The following SLC2A2 variants were observed in gnomAD, a reference collection of about 807,000 sequenced individuals.
SLC2A2 encodes the protein solute carrier family 2 member 2.
Under a neutral mutation model 54.5 loss-of-function variants are expected in SLC2A2, and 36 were observed. The ratio of observed to expected loss-of-function variants is 0.66; its 90% confidence interval spans 0.51 to 0.87. The LOEUF is 0.87. Among genes scored for constraint, SLC2A2 ranks in the 40% least tolerant of loss-of-function variants. The pLI, the probability that SLC2A2 is intolerant of heterozygous loss-of-function variation, is 0.00. For synonymous variants in SLC2A2, 223 were observed against 219.1 expected (o/e 1.02, Z -0.16); for missense variants, 543 against 624.3 (o/e 0.87, Z 1.39).
At position 170,998,197 on chromosome 3, in the gene SLC2A2, A is replaced by G. The variant is rs771274850; in HGVS notation, c.1370T>C (p.Ile457Thr). 1.2e-6 allele frequency: 2 copies of G among 1,613,730 alleles called. No homozygotes were observed. Reference sequence around the variant, plus strand: ...GTGGAATATTAGGCTGCTTACCGCAATGTACTGGAAACACAGAGCTACAAT... The same window carrying G: ...GTGGAATATTAGGCTGCTTACCGCAGTGTACTGGAAACACAGAGCTACAAT... ...NFIVALCFQY[I>T]ADFCGPYVFF... The change falls in exon 10 of 11, where the codon ATT becomes ACT. Residue 457 changes from isoleucine to threonine, a missense_variant. Ile to Thr is a moderately conservative substitution (Grantham distance 89, BLOSUM62 -1). Transcript: ENST00000314251.
At position 171,006,085 on chromosome 3, in the gene SLC2A2, G is replaced by A; in HGVS notation, c.633C>T (p.Ile211=). 6.2e-7 allele frequency: 1 copy of A among 1,612,256 alleles called. No homozygotes were observed. Among genetic ancestry groups the A allele is most frequent in the Non-Finnish European group, 8.5e-7 (1 of 1,178,874 alleles). The change falls in exon 6 of 11, where the codon ATC becomes ATT. Residue 211 remains isoleucine, a synonymous_variant. Transcript: ENST00000314251. The part of the protein sequence containing the change: ...LISQIIGLEF[I]LGNYDLWHIL... ...TGTGCCACAGATCATAATTGCCCAA[G>A]ATAAATTCAAGACCAATAATCTGAA... is the stretch of plus-strand genomic sequence containing the variant.
intron 8 of SLC2A2, among the ~76,000 whole-genome samples, chr3:171,001,263 C>T (rs2108237050): frequency 6.6e-6 from 1 of 152,090 alleles, no homozygotes; most frequent in Non-Finnish European, 1.5e-5. Context: ...AATAATCTAT[C>T]ATAAAAAATA....
At chr3:171,008,007 A>G (rs531994153) in intron 4 of SLC2A2, among the ~76,000 whole-genome samples, 2 of 152,240 alleles carry the variant, frequency 1.3e-5, no homozygotes, top group Admixed American at 6.5e-5. Flanking sequence ...TGCACATGTA[A>G]TCAGTCGTGC....
chr3:171,019,107 ATATATATATATATATACGTATG>A (rs1404523319), intron 1 of SLC2A2, among the ~76,000 whole-genome samples: 987 of 7,126 alleles, frequency 0.14, 21 homozygotes, highest in East Asian at 0.35. Flanking sequence ...GTATATATAT[ATATATATATATATATACGTATG>A]TATATATATA....
chr3:171,022,350 C>T (rs767960355), intron 1 of SLC2A2, among the ~76,000 whole-genome samples: 3 of 152,212 alleles, frequency 2.0e-5, no homozygotes, highest in Non-Finnish European at 2.9e-5. Flanking sequence ...TACATATCCA[C>T]AGAATTTACC....
At position 170,998,076 on chromosome 3, in the gene SLC2A2, G is replaced by A. The variant is rs140138702; in HGVS notation, c.1402C>T (p.Leu468Phe). ...AAGGCCAGGAGCACTCCAGCAAAGA[G>A]GAAAAACACATAAGGTCCACAGAAG... Reference protein sequence around the residue: ...ADFCGPYVFFLFAGVLLAFTL... With the variant: ...ADFCGPYVFFFFAGVLLAFTL... The change falls in exon 11 of 11, where the codon CTC (leucine) becomes TTC (phenylalanine). Residue 468 changes from leucine to phenylalanine, a missense_variant. Coordinates refer to ENST00000314251, the MANE Select transcript of SLC2A2 (RefSeq NM_000340.2). The A allele has an allele frequency of 6.2e-7, 1 of 1,613,572 alleles. No individual in the cohort carries two copies. The highest frequency in any genetic ancestry group is 8.5e-7 in the Non-Finnish European group (1 of 1,179,764).
At chr3:171,019,124 C>G (rs9799218) in intron 1 of SLC2A2, among the ~76,000 whole-genome samples, 1 of 5,612 alleles carries the variant, frequency 1.8e-4, no homozygotes, top group Non-Finnish European at 3.7e-4. Context: ...TATATATATA[C>G]GTATGTATAT....
At chr3:171,009,260 T>C (rs1414417561) in intron 4 of SLC2A2, among the ~76,000 whole-genome samples, 1 of 152,122 alleles carries the variant, frequency 6.6e-6, no homozygotes, top group East Asian at 1.9e-4. Flanking sequence ...AACTAGCGAT[T>C]CCCACTATTC....
intron 2 of SLC2A2, among the ~76,000 whole-genome samples, chr3:171,017,941 G>A: frequency 1.3e-5 from 2 of 152,190 alleles, no homozygotes; most frequent in African/African-American, 2.4e-5. Flanking sequence ...TTATTCTAAA[G>A]TTTTACATTA....
rs746178753 is a variant in SLC2A2 at position 171,005,454 on chromosome 3, CCT to C, written c.792_793del (p.Gly265IlefsTer2). ...AATATCTTTGGTGACATCATCATAT[CCT>C]CTGAGTCTTTTCAAGCCTGTCCAAG... On this transcript the variant is annotated frameshift_variant, in exon 7 of 11. Coordinates refer to ENST00000314251, the MANE Select transcript of SLC2A2 (RefSeq NM_000340.2). LOFTEE classifies it high-confidence loss of function. 1.9e-6 allele frequency: 3 copies of C among 1,612,214 alleles called. No individual in the cohort carries two copies. The Admixed American group carries it at 5.0e-5, about 27-fold the overall frequency.
At chr3:171,018,333 CT>C (rs1182656892) in intron 2 of SLC2A2, among the ~76,000 whole-genome samples, 197 bp downstream of exon 2, 12 of 150,618 alleles carry the variant, frequency 8.0e-5, no homozygotes, top group African/African-American at 2.7e-4. Flanking sequence ...TTATTGCCTC[CT>C]TTTTTTTCCC....
chr3:171,003,546 C>T (rs1715443497), intron 7 of SLC2A2, among the ~76,000 whole-genome samples: 1 of 151,784 alleles, frequency 6.6e-6, no homozygotes, highest in South Asian at 2.1e-4. Context: ...ACATATAGTA[C>T]CATTGACTAT....
intron 2 of SLC2A2, 108 bp downstream of exon 2, chr3:171,018,423 G>A (rs1439306461): frequency 3.5e-5 from 29 of 825,928 alleles, no homozygotes; most frequent in Non-Finnish European, 6.0e-5. Flanking sequence ...GGCCAGGATG[G>A]CCTTGTGTCT....
intron 1 of SLC2A2, among the ~76,000 whole-genome samples, chr3:171,021,463 T>C (rs1254364463): frequency 6.6e-6 from 1 of 152,230 alleles, no homozygotes; most frequent in Non-Finnish European, 1.5e-5. Flanking sequence ...TTACCACCAG[T>C]GCAGCAGCTT....
At chr3:171,012,134 T>C (rs964762330) in intron 3 of SLC2A2, among the ~76,000 whole-genome samples, 18 of 152,180 alleles carry the variant, frequency 1.2e-4, no homozygotes, top group African/African-American at 4.3e-4. Flanking sequence ...ATCATCATCA[T>C]CATCAAAATG....
intron 4 of SLC2A2, among the ~76,000 whole-genome samples, chr3:171,009,577 G>T (rs149037865): frequency 1.2e-3 from 182 of 152,130 alleles, no homozygotes; most frequent in African/African-American, 4.1e-3. Flanking sequence ...GCATTTACTG[G>T]TAGCTTACTG....
At chr3:171,009,024 C>T (rs749543011) in intron 4 of SLC2A2, among the ~76,000 whole-genome samples, 12 of 152,020 alleles carry the variant, frequency 7.9e-5, no homozygotes, top group Non-Finnish European at 1.2e-4. Context: ...ACAAATCTTA[C>T]GTCCTCACCA....
intron 3 of SLC2A2, among the ~76,000 whole-genome samples, chr3:171,014,261 G>T (rs1716021295): frequency 6.6e-6 from 1 of 152,124 alleles, no homozygotes; most frequent in African/African-American, 2.4e-5. Context: ...ACTCATGTTT[G>T]GTATAAATGT....
chr3:171,015,556 A>G (rs1716111894), intron 2 of SLC2A2, among the ~76,000 whole-genome samples: 1 of 152,198 alleles, frequency 6.6e-6, no homozygotes, highest in African/African-American at 2.4e-5. Context: ...ATTGACTTAT[A>G]CATATTTTAA....
Sources: allele counts gnomAD v4.1 joint callset (sites outside exome capture counted in the v4.1 genomes callset), GRCh38; gene constraint gnomAD v4.1.1; transcripts MANE v1.5; gene names NCBI Gene and HGNC (gene_info 2026-07-23, HGNC 2026-07-21).